Variants in C10orf90 observed in about 807,000 individuals in gnomAD.
C10orf90 encodes the protein (E2-independent) E3 ubiquitin-conjugating enzyme FATS.
A neutral mutation model predicts 62.5 loss-of-function variants in C10orf90; 56 were observed. That is an observed-to-expected ratio of 0.90 (90% CI 0.72 to 1.12). The LOEUF is 1.12. Among genes scored for constraint, C10orf90 ranks in the 50% most tolerant of loss-of-function variants. The pLI, the probability that C10orf90 is intolerant of heterozygous loss-of-function variation, is 0.00. For synonymous variants in C10orf90, 386 were observed against 340.4 expected (o/e 1.13, Z -1.47); for missense variants, 970 against 880.4 (o/e 1.10, Z -1.29).
intron 4 of C10orf90, among the ~76,000 whole-genome samples, chr10:126,471,106 C>T (rs113481903): frequency 5.9e-5 from 9 of 152,246 alleles, no homozygotes; most frequent in East Asian, 1.9e-4. Flanking sequence ...AAACAGCTCC[C>T]GGCAGAGAGG....
chr10:126,670,094 G>T, intron 1 of C10orf90, 147 bp downstream of exon 1: 1 of 330,180 alleles, frequency 3.0e-6, no homozygotes, highest in Non-Finnish European at 6.0e-6. Flanking sequence ...AATGAAGAAG[G>T]CTTTTCCAAA....
chr10:126,522,286 C>CAAACA (rs1863781231), intron 2 of C10orf90, among the ~76,000 whole-genome samples: 1 of 151,528 alleles, frequency 6.6e-6, no homozygotes, highest in Admixed American at 6.6e-5. Flanking sequence ...AACAAACAAA[C>CAAACA]AAAAAAAGAG....
chr10:126,511,331 G>T (rs1863095345), intron 3 of C10orf90, among the ~76,000 whole-genome samples: 1 of 152,178 alleles, frequency 6.6e-6, no homozygotes, highest in African/African-American at 2.4e-5. Context: ...AAGCCAGAAA[G>T]AATCTATTCT....
chr10:126,603,103 G>C (rs1000576585), intron 2 of C10orf90, among the ~76,000 whole-genome samples: 1 of 152,062 alleles, frequency 6.6e-6, no homozygotes, highest in Non-Finnish European at 1.5e-5. Flanking sequence ...CATCAGAAGA[G>C]AGTTCCAGTC....
intron 2 of C10orf90, among the ~76,000 whole-genome samples, chr10:126,575,315 C>T (rs1204127865): frequency 1.3e-5 from 2 of 151,802 alleles, no homozygotes; most frequent in African/African-American, 4.8e-5. Context: ...GGTAATCCCA[C>T]TTATAACAGC....
intron 4 of C10orf90, chr10:126,502,905 G>T: frequency 2.1e-6 from 1 of 474,534 alleles, no homozygotes. Context: ...AAATCTCTGA[G>T]CATTCAATAT....
rs1427116416 is a variant in C10orf90, at chr10:126,494,926, GCTGAAGAAT to G, written c.1534+9022_1534+9030del. 2.6e-4 allele frequency among the ~76,000 whole-genome samples: 40 copies of G among 152,300 alleles called. 3 individuals carry two copies. In the South Asian group the frequency reaches 8.1e-3, roughly 31 times the overall value. Reference sequence around the variant, plus strand: ...TTCAGGCCCTCATAGGGACCTTAACGCTGAAGAATCTCCCCATTACCCATGAATAGCTGA... The same window carrying G: ...TTCAGGCCCTCATAGGGACCTTAACGCTCCCCATTACCCATGAATAGCTGA... On this transcript the variant is annotated intron_variant, in intron 4 of 9. Transcript: ENST00000488181.
At chr10:126,546,535 CA>C (rs1442304585) in intron 2 of C10orf90, among the ~76,000 whole-genome samples, 1 of 152,146 alleles carries the variant, frequency 6.6e-6, no homozygotes, top group African/African-American at 2.4e-5. Flanking sequence ...CAGGGTAGTT[CA>C]GGGGAAGCCA....
At chr10:126,658,380 G>T (rs1846438978) in intron 1 of C10orf90, among the ~76,000 whole-genome samples, 1 of 152,178 alleles carries the variant, frequency 6.6e-6, no homozygotes, top group African/African-American at 2.4e-5. Flanking sequence ...CAGGCCAAAG[G>T]GCAGAGAATA....
At chr10:126,469,851 A>C (rs749432148) in intron 4 of C10orf90, 10 of 456,610 alleles carry the variant, frequency 2.2e-5, no homozygotes, top group Non-Finnish European at 4.0e-5. Context: ...CCCACTCTGC[A>C]TGGGCGCCTG....
At chr10:126,613,908 C>A (rs1845489995) in intron 2 of C10orf90, among the ~76,000 whole-genome samples, 2 of 152,292 alleles carry the variant, frequency 1.3e-5, no homozygotes, top group Admixed American at 1.3e-4. Flanking sequence ...TGACCCTCAC[C>A]CCATGCTTAG....
chr10:126,425,602 A>G lies in C10orf90; in HGVS notation c.*262T>C. 2.1e-6 allele frequency: 1 copy of G among 473,738 alleles called. No individual in the cohort carries two copies. The highest frequency in any genetic ancestry group is 3.7e-6 in the Non-Finnish European group (1 of 272,288). 29.3% of individuals were successfully genotyped at this position (473,738 alleles called of 1,614,324 possible). On this transcript the variant is annotated 3_prime_UTR_variant, in exon 10 of 10. Transcript: ENST00000488181. ...AAGCAAAAGGTACAATTTAGAAGCA[A>G]AAACATTAAGGGGACTGTATCCAGT... is the stretch of plus-strand genomic sequence containing the variant.
At chr10:126,649,907 A>G (rs1365825817) in intron 1 of C10orf90, among the ~76,000 whole-genome samples, 2 of 152,004 alleles carry the variant, frequency 1.3e-5, no homozygotes, top group African/African-American at 4.8e-5. Context: ...TTGCAGAAGA[A>G]AGGAGAGGAG....
intron 2 of C10orf90, among the ~76,000 whole-genome samples, chr10:126,525,413 T>C (rs1863907839): frequency 6.6e-6 from 1 of 152,186 alleles, no homozygotes; most frequent in African/African-American, 2.4e-5. Context: ...AGCAACAATG[T>C]GATTCTTGTT....
chr10:126,451,190 A>T (rs1859160704), intron 7 of C10orf90, among the ~76,000 whole-genome samples: 1 of 152,200 alleles, frequency 6.6e-6, no homozygotes, highest in South Asian at 2.1e-4. Flanking sequence ...AACTATAACA[A>T]GTGTTGGCAA....
Position 126,557,534 on chromosome 10 carries a change from C to T in C10orf90, c.314-43595G>A, listed in dbSNP as rs540333753. 3.9e-5 allele frequency among the ~76,000 whole-genome samples: 6 copies of T among 151,982 alleles called. No homozygotes were observed. In the East Asian group the frequency reaches 1.2e-3, roughly 29 times the overall value. On this transcript the variant is annotated intron_variant, in intron 2 of 9. Transcript: ENST00000488181. ...CTCTATACCTTTCCCCCATAACTTC[C>T]CCTCCTCAGGTAAACACTGCCCGGA...
chr10:126,524,672 C>A, intron 2 of C10orf90: 1 of 986,130 alleles, frequency 1.0e-6, no homozygotes, highest in Non-Finnish European at 1.2e-6. Flanking sequence ...CCTGGCCACT[C>A]AGCCATGTCA....
intron 2 of C10orf90, among the ~76,000 whole-genome samples, chr10:126,525,802 T>G (rs546384792): frequency 6.7e-6 from 1 of 149,058 alleles, no homozygotes; most frequent in East Asian, 1.9e-4. Flanking sequence ...AGAACAAGGT[T>G]GTTCTTCTCC....
At chr10:126,654,077 C>T (rs1846344257) in intron 1 of C10orf90, among the ~76,000 whole-genome samples, 1 of 152,088 alleles carries the variant, frequency 6.6e-6, no homozygotes, top group Admixed American at 6.5e-5. Context: ...ATTTATAGAG[C>T]ACAGACAGAG....
Sources: allele counts gnomAD v4.1 joint callset (sites outside exome capture counted in the v4.1 genomes callset), GRCh38; gene constraint gnomAD v4.1.1; transcripts MANE v1.5; gene names NCBI Gene and HGNC (gene_info 2026-07-23, HGNC 2026-07-21).